The following AGMO variants were observed in gnomAD, a reference collection of about 807,000 sequenced individuals.
The protein encoded by AGMO is glyceryl-ether monooxygenase.
In AGMO, 75 loss-of-function variants were observed where a neutral mutation model predicts 60.2. The ratio of observed to expected loss-of-function variants is 1.25; its 90% CI spans 1.03 to 1.51. AGMO has a LOEUF of 1.51. Among genes scored for constraint, AGMO ranks in the 40% most tolerant of loss-of-function variants. The pLI, the probability that AGMO is intolerant of heterozygous loss-of-function variation, is 0.00. For missense variants in AGMO, 763 were observed against 525.5 expected (o/e 1.45, Z -4.42); for synonymous variants, 261 against 177.1 (o/e 1.47, Z -3.76).
intron 12 of AGMO, among the ~76,000 whole-genome samples, chr7:15,313,803 TAAC>T (rs1018248061): frequency 9.2e-5 from 14 of 151,964 alleles, no homozygotes; most frequent in Admixed American, 7.2e-4. Flanking sequence ...AAAATATTAA[TAAC>T]AATAACTAAT....
chr7:15,354,978 TATAC>T (rs1782466012), intron 12 of AGMO, among the ~76,000 whole-genome samples: 1 of 152,226 alleles, frequency 6.6e-6, no homozygotes, highest in South Asian at 2.1e-4. Context: ...TATGCTCACT[TATAC>T]ATGGCTAATG....
rs1421155565 is a variant in AGMO, at chr7:15,331,577, A to G, written c.1263+33937T>C. ...CTGCAGCCAACACTATGTGTTCACT[A>G]AAATATATTCTCCTTTTTGGCTGAG... is the stretch of plus-strand genomic sequence containing the variant. On this transcript the variant is annotated intron_variant, in intron 12 of 12. Transcript: ENST00000342526. Among the ~76,000 whole-genome samples the G allele has an allele frequency of 2.0e-5, 3 of 152,166 alleles. No homozygotes were observed. In the East Asian group the frequency reaches 5.8e-4, roughly 29 times the overall value.
chr7:15,523,252 T>C (rs1016294232), intron 3 of AGMO, among the ~76,000 whole-genome samples: 8 of 152,184 alleles, frequency 5.3e-5, no homozygotes, highest in Non-Finnish European at 4.4e-5. Flanking sequence ...AATTAGTTCA[T>C]CCATTGTGGA....
At chr7:15,117,491 G>T in the AGMO span, among the ~76,000 whole-genome samples, 1 of 151,916 alleles carries the variant, frequency 6.6e-6, no homozygotes, top group Non-Finnish European at 1.5e-5. Flanking sequence ...AAATTTCACT[G>T]TTTGTAAATT....
the AGMO span, among the ~76,000 whole-genome samples, chr7:15,131,382 C>T: frequency 6.6e-6 from 1 of 152,082 alleles, no homozygotes; most frequent in Non-Finnish European, 1.5e-5. Context: ...AGCACAGCTC[C>T]AACTTACAAA....
intron 3 of AGMO, among the ~76,000 whole-genome samples, chr7:15,462,476 T>G (rs1782168226): frequency 6.6e-6 from 1 of 152,162 alleles, no homozygotes; most frequent in Admixed American, 6.6e-5. Flanking sequence ...ATTTAAAATG[T>G]CTGATTAAGT....
chr7:15,421,813 T>C (rs569359800), intron 4 of AGMO, among the ~76,000 whole-genome samples: 113 of 152,240 alleles, frequency 7.4e-4, no homozygotes, highest in Non-Finnish European at 1.2e-3. Flanking sequence ...TTGAACTTGT[T>C]GATATGGGTG....
Position 15,387,436 on chromosome 7 carries a change from T to C in AGMO, c.927A>G (p.Pro309=), listed in dbSNP as rs1233455460. 3 of 1,614,014 alleles carry C rather than the reference T, an allele frequency of 1.9e-6. No individual in the cohort carries two copies. The highest frequency in any genetic ancestry group is 1.7e-6 in the Non-Finnish European group (2 of 1,179,986). ...GAATTTCTTCACTGAGACCAAGTCT[T>C]GGTTTACCTGGACCCCATCCCGGTC... is the stretch of plus-strand genomic sequence containing the variant. ...FKGPGWGPGK[P]RLGLSEEIPE... The change falls in exon 9 of 13, where the codon CCA becomes CCG. Residue 309 remains proline (P), a synonymous_variant. Coordinates refer to ENST00000342526, the MANE Select transcript of AGMO (RefSeq NM_001004320.2).
chr7:15,286,667 A>T (rs570436786), intron 12 of AGMO, among the ~76,000 whole-genome samples: 1 of 152,220 alleles, frequency 6.6e-6, no homozygotes, highest in East Asian at 1.9e-4. Context: ...CAGTATGGAG[A>T]TTTCTCAAAA....
intron 5 of AGMO, among the ~76,000 whole-genome samples, chr7:15,407,928 A>C (rs375857057): frequency 2.0e-5 from 3 of 151,820 alleles, no homozygotes; most frequent in Admixed American, 1.3e-4. Context: ...TTATCTCTCC[A>C]AACAGAGCTC....
chr7:15,464,850 G>GA (rs1782236640), intron 3 of AGMO, among the ~76,000 whole-genome samples: 1 of 152,128 alleles, frequency 6.6e-6, no homozygotes, highest in African/African-American at 2.4e-5. Flanking sequence ...TAATCCCCAG[G>GA]AAAATAACTC....
chr7:15,255,099 A>G (rs558743287), intron 12 of AGMO, among the ~76,000 whole-genome samples: 6 of 152,354 alleles, frequency 3.9e-5, no homozygotes, highest in Admixed American at 1.3e-4. Context: ...TCAGCAAACT[A>G]TCACAAGAAC....
At chr7:15,292,924 AT>A (rs199915825) in intron 12 of AGMO, among the ~76,000 whole-genome samples, 48 of 147,912 alleles carry the variant, frequency 3.2e-4, no homozygotes, top group Non-Finnish European at 5.0e-4. Context: ...AATCCAGCTA[AT>A]TTTTTTTTTG....
At chr7:15,330,625 G>T (rs964506330) in intron 12 of AGMO, among the ~76,000 whole-genome samples, 1 of 151,910 alleles carries the variant, frequency 6.6e-6, no homozygotes, top group Non-Finnish European at 1.5e-5. Flanking sequence ...TTCTGTTTGC[G>T]CTCACCAACT....
intron 12 of AGMO, among the ~76,000 whole-genome samples, chr7:15,239,849 C>T (rs891533956): frequency 6.6e-6 from 1 of 152,098 alleles, no homozygotes; most frequent in African/African-American, 2.4e-5. Context: ...ATGAGCCTCA[C>T]CGGTTTTCAG....
At chr7:15,480,242 T>G (rs1782713337) in intron 3 of AGMO, among the ~76,000 whole-genome samples, 1 of 152,132 alleles carries the variant, frequency 6.6e-6, no homozygotes, top group South Asian at 2.1e-4. Flanking sequence ...GTAAAGAAGC[T>G]TCAGTTACGT....
At chr7:15,384,219 GA>G (rs1319656074) in intron 10 of AGMO, among the ~76,000 whole-genome samples, 1 of 152,288 alleles carries the variant, frequency 6.6e-6, no homozygotes, top group East Asian at 1.9e-4. Context: ...TTACAGGCAT[GA>G]GCCACCACGC....
intron 4 of AGMO, among the ~76,000 whole-genome samples, chr7:15,429,165 T>C (rs151211783): frequency 6.6e-6 from 1 of 152,198 alleles, no homozygotes; most frequent in East Asian, 1.9e-4. Flanking sequence ...TTTCCACATA[T>C]ATTGCTTAGA....
intron 12 of AGMO, among the ~76,000 whole-genome samples, chr7:15,299,859 ACACACACACACACACACACACACACAC>A (rs1784514983): frequency 6.6e-5 from 10 of 150,900 alleles, no homozygotes; most frequent in Admixed American, 4.6e-4. Context: ...ACACACACAC[ACACACACACACACACACACACACACAC>A]AGTATGTTTT....
Sources: gnomAD v4.1 joint callset for allele counts (sites outside exome capture counted in the v4.1 genomes callset) on GRCh38, gnomAD v4.1.1 for gene constraint, MANE v1.5 for transcripts, NCBI Gene and HGNC (gene_info 2026-07-23, HGNC 2026-07-21) for gene names.